The following RNGTT variants were observed in gnomAD, a reference collection of about 807,000 sequenced individuals.
RNGTT encodes RNA guanylyltransferase and 5'-phosphatase, also known as mRNA-capping enzyme.
RNGTT carries 33 observed loss-of-function variants against 79.3 expected under a neutral mutation model. The ratio of observed to expected loss-of-function variants is 0.42; its 90% CI spans 0.32 to 0.56. RNGTT has a LOEUF of 0.56. Among genes scored for constraint, RNGTT ranks in the 20% least tolerant of loss-of-function variants. The probability of loss-of-function intolerance (pLI) is 0.17; values close to 1 mark genes in which losing one functional copy is unlikely to be tolerated. For missense variants in RNGTT, 497 were observed against 739.1 expected (o/e 0.67, Z 3.80); for synonymous variants, 222 against 235.9 (o/e 0.94, Z 0.54).
chr6:88,673,994 G>A (rs931210996), intron 14 of RNGTT, among the ~76,000 whole-genome samples: 8 of 152,174 alleles, frequency 5.3e-5, no homozygotes, highest in African/African-American at 1.2e-4. Context: ...TGATGAATTC[G>A]GTGAATGGGA....
chr6:88,667,698 G>A (rs1774470235), intron 14 of RNGTT, among the ~76,000 whole-genome samples: 1 of 152,194 alleles, frequency 6.6e-6, no homozygotes, highest in Non-Finnish European at 1.5e-5. Flanking sequence ...CAGACAATGG[G>A]CCGGCATTTG....
At chr6:88,891,715 C>A in intron 7 of RNGTT, 91 bp downstream of exon 7, 2 of 748,270 alleles carry the variant, frequency 2.7e-6, no homozygotes, top group South Asian at 5.7e-5. Context: ...AACATACTAA[C>A]TTCAAGGAGC....
rs568688287 is a variant in RNGTT, at chr6:88,783,825, C to A, written c.1339-13951G>T. On this transcript the variant is annotated intron_variant, in intron 12 of 15. Coordinates refer to ENST00000369485, the MANE Select transcript of RNGTT (RefSeq NM_003800.5). ...GGCCAATCAAAATAATAAAAAATGTCCCCACATACTGTCAAATGTTATTTG... is the reference window on the plus strand; with the variant it reads ...GGCCAATCAAAATAATAAAAAATGTACCCACATACTGTCAAATGTTATTTG... Among the ~76,000 whole-genome samples the A allele has an allele frequency of 4.6e-5, 7 of 152,194 alleles. No individual in the cohort carries two copies. In the South Asian group the frequency reaches 1.5e-3, roughly 32 times the overall value.
intron 13 of RNGTT, among the ~76,000 whole-genome samples, chr6:88,737,915 A>G (rs1343319732): frequency 1.3e-5 from 2 of 152,202 alleles, no homozygotes; most frequent in African/African-American, 4.8e-5. Context: ...GTATAAAAAG[A>G]ATTGTACAGT....
chr6:88,856,330 C>A (rs1228714543), intron 8 of RNGTT, among the ~76,000 whole-genome samples: 1 of 151,952 alleles, frequency 6.6e-6, no homozygotes, highest in Non-Finnish European at 1.5e-5. Flanking sequence ...TATATTTCCC[C>A]TTTCACTGAC....
intron 8 of RNGTT, among the ~76,000 whole-genome samples, chr6:88,873,729 G>A (rs996461188): frequency 6.6e-6 from 1 of 151,854 alleles, no homozygotes; most frequent in African/African-American, 2.4e-5. Flanking sequence ...CTTTTATAAT[G>A]GGGAAACACA....
Position 88,890,900 on chromosome 6 carries a change from A to G in RNGTT, c.795-304T>C, listed in dbSNP as rs541267568. 4.6e-5 allele frequency among the ~76,000 whole-genome samples: 7 copies of G among 152,334 alleles called. No individual in the cohort carries two copies. In the South Asian group the frequency reaches 1.5e-3, roughly 32 times the overall value. On this transcript the variant is annotated intron_variant, in intron 7 of 15. Transcript: ENST00000369485. ...AAGCAGGTATGTTTACAAGTCTTGT[A>G]CTTCAGGAAGAAGTTTAAATCTTGG...
chr6:88,910,652 C>A (rs76269789), intron 4 of RNGTT, among the ~76,000 whole-genome samples: 3,276 of 152,228 alleles, frequency 0.022, 118 homozygotes, highest in African/African-American at 0.075. Flanking sequence ...AACCCCTGTA[C>A]GGTACTATAC....
At chr6:88,748,242 GAGTATGAGCTGA>G (rs1777728842) in intron 13 of RNGTT, among the ~76,000 whole-genome samples, 1 of 150,002 alleles carries the variant, frequency 6.7e-6, no homozygotes. Context: ...ACTTCCCTCA[GAGTATGAGCTGA>G]AGCCCTAACA....
chr6:88,716,667 G>A (rs1246794663), intron 13 of RNGTT, among the ~76,000 whole-genome samples: 2 of 152,132 alleles, frequency 1.3e-5, no homozygotes, highest in African/African-American at 4.8e-5. Context: ...GTCCTTTGTA[G>A]GGACATGGAT....
intron 13 of RNGTT, among the ~76,000 whole-genome samples, chr6:88,711,643 C>A (rs1463563491): frequency 3.3e-5 from 5 of 152,136 alleles, no homozygotes; most frequent in Non-Finnish European, 5.9e-5. Flanking sequence ...CATGTTCACG[C>A]CCACTTGCAG....
intron 8 of RNGTT, among the ~76,000 whole-genome samples, chr6:88,871,484 T>C (rs961497940): frequency 2.0e-5 from 3 of 152,188 alleles, no homozygotes; most frequent in Non-Finnish European, 4.4e-5. Flanking sequence ...GCTAGACTTA[T>C]ATGTTACAAC....
chr6:88,760,762 C>T (rs372622931), intron 13 of RNGTT, among the ~76,000 whole-genome samples: 3 of 152,158 alleles, frequency 2.0e-5, no homozygotes, highest in East Asian at 3.9e-4. Context: ...TTCCCCCATA[C>T]TTAATCCTTC....
At chr6:88,817,957 C>A (rs1025802601) in intron 11 of RNGTT, among the ~76,000 whole-genome samples, 1 of 151,550 alleles carries the variant, frequency 6.6e-6, no homozygotes, top group African/African-American at 2.4e-5. Flanking sequence ...AACGGGGTTT[C>A]ACCGTGTTAG....
At chr6:88,737,508 A>G (rs1230102024) in intron 13 of RNGTT, among the ~76,000 whole-genome samples, 1 of 152,226 alleles carries the variant, frequency 6.6e-6, no homozygotes, top group Non-Finnish European at 1.5e-5. Context: ...CCCCCTCCCC[A>G]AATTCATATG....
chr6:88,771,300 T>C (rs1296384206), intron 12 of RNGTT, among the ~76,000 whole-genome samples: 1 of 73,486 alleles, frequency 1.4e-5, no homozygotes, highest in Non-Finnish European at 2.8e-5. Context: ...ACTGTATGTA[T>C]GTATGTGTGT....
At chr6:88,939,276 G>A (rs1293927635) in intron 2 of RNGTT, among the ~76,000 whole-genome samples, 1 of 152,128 alleles carries the variant, frequency 6.6e-6, no homozygotes, top group Non-Finnish European at 1.5e-5. Context: ...TATATCTCAA[G>A]AAGGCTTTGC....
intron 14 of RNGTT, among the ~76,000 whole-genome samples, chr6:88,634,093 C>T (rs1440845549): frequency 6.6e-6 from 1 of 152,108 alleles, no homozygotes; most frequent in African/African-American, 2.4e-5. Flanking sequence ...GCATCATTCC[C>T]TTTTGTATCC....
At chr6:88,935,295 A>G (rs1582150134) in intron 2 of RNGTT, among the ~76,000 whole-genome samples, 1 of 152,216 alleles carries the variant, frequency 6.6e-6, no homozygotes, top group Non-Finnish European at 1.5e-5. Context: ...TTTTTACACC[A>G]ATGCCATGCT....
Sources: gnomAD v4.1 joint callset for allele counts (sites outside exome capture counted in the v4.1 genomes callset) on GRCh38, gnomAD v4.1.1 for gene constraint, MANE v1.5 for transcripts, NCBI Gene and HGNC (gene_info 2026-07-23, HGNC 2026-07-21) for gene names.